SMAD6: variants seen among roughly 807,000 people sequenced by gnomAD.
SMAD6 encodes MAD homolog 6.
Under a neutral mutation model 39.4 loss-of-function variants are expected in SMAD6, and 103 were observed. The ratio of observed to expected loss-of-function variants is 2.62; its 90% CI spans 2.23 to 3.08. The LOEUF (loss-of-function observed/expected upper bound fraction) is 3.08, where lower values mean the gene tolerates loss of function less well. Ranked by LOEUF, SMAD6 falls within the 30% of genes most tolerant of loss-of-function variation. SMAD6 has a pLI of 0.00. For missense variants in SMAD6, 1,104 were observed against 742.9 expected (o/e 1.49, Z -5.65); for synonymous variants, 445 against 353.3 (o/e 1.26, Z -2.91).
intron 3 of SMAD6, among the ~76,000 whole-genome samples, chr15:66,732,134 G>A: frequency 6.6e-6 from 1 of 151,874 alleles, no homozygotes; most frequent in Non-Finnish European, 1.5e-5. Flanking sequence ...TTGTAGAGGT[G>A]GGGTTTTACC....
intron 1 of SMAD6, 95 bp downstream of exon 1, chr15:66,704,170 C>T (rs1350754619): frequency 3.9e-6 from 4 of 1,036,702 alleles, no homozygotes; most frequent in African/African-American, 3.4e-5. Flanking sequence ...GGCGCAGCTG[C>T]GGGTGCTCCC....
intron 3 of SMAD6, among the ~76,000 whole-genome samples, chr15:66,751,684 C>T (rs934264400): frequency 6.6e-6 from 1 of 152,210 alleles, no homozygotes; most frequent in Admixed American, 6.5e-5. Flanking sequence ...GCCCTCACCC[C>T]GTCTTCAGTG....
chr15:66,725,408 G>A (rs1215754663), intron 3 of SMAD6, among the ~76,000 whole-genome samples: 1 of 152,206 alleles, frequency 6.6e-6, no homozygotes, highest in Non-Finnish European at 1.5e-5. Flanking sequence ...TTTGGTAGCA[G>A]TTTCTAGATT....
chr15:66,713,890 G>A (rs745519597), intron 2 of SMAD6, among the ~76,000 whole-genome samples: 13 of 152,218 alleles, frequency 8.5e-5, no homozygotes, highest in Admixed American at 2.0e-4. Flanking sequence ...TGTGGTGGAA[G>A]CTTGTCACTT....
intron 3 of SMAD6, among the ~76,000 whole-genome samples, chr15:66,760,382 G>A (rs963581231): frequency 2.0e-5 from 3 of 152,208 alleles, no homozygotes; most frequent in Admixed American, 1.3e-4. Context: ...CTCCCTGCGT[G>A]CCAGAGCAGA....
intron 3 of SMAD6, among the ~76,000 whole-genome samples, chr15:66,764,993 G>A (rs969520621): frequency 5.3e-5 from 8 of 152,256 alleles, no homozygotes; most frequent in East Asian, 1.9e-4. Context: ...CTTGTTTCTC[G>A]GGGTGTTTGT....
intron 3 of SMAD6, among the ~76,000 whole-genome samples, chr15:66,753,152 T>C (rs916279967): frequency 2.6e-5 from 4 of 152,190 alleles, no homozygotes; most frequent in African/African-American, 9.6e-5. Context: ...TCCCTTGTCT[T>C]CCTTCCTCTT....
In SMAD6 at chr15:66,781,063, G is replaced by C. The variant is rs1894553582; in HGVS notation, c.1019G>C (p.Arg340Pro). The C allele has an allele frequency of 6.2e-7, 1 of 1,603,712 alleles. No homozygotes were observed. Among genetic ancestry groups the C allele is most frequent in the Non-Finnish European group, 8.5e-7 (1 of 1,178,444 alleles). ...HWCSVAYWEH[R>P]TRVGRLYAVY... is the part of the protein sequence containing the mutation. ...TGCAGCGTGGCGTACTGGGAGCACC[G>C]GACGCGCGTGGGCCGCCTCTATGCG... Residue 340 changes from arginine to proline, a missense_variant, in exon 4 of 4, where the codon CGG becomes CCG. By Grantham distance (103) the Arg-to-Pro change is moderately radical (BLOSUM62 -2). Coordinates refer to ENST00000288840, the MANE Select transcript of SMAD6 (RefSeq NM_005585.5).
intron 3 of SMAD6, among the ~76,000 whole-genome samples, chr15:66,750,924 C>T (rs1893993640): frequency 6.6e-6 from 1 of 152,234 alleles, no homozygotes; most frequent in African/African-American, 2.4e-5. Context: ...TTGGCATTTG[C>T]ATGGAATTGG....
In SMAD6 at chr15:66,781,628, C is replaced by T. The variant is rs1223874816; in HGVS notation, c.*93C>T. 5.0e-6 allele frequency: 4 copies of T among 798,124 alleles called. No homozygotes were observed. The Admixed American group carries it at 1.0e-4, about 21-fold the overall frequency. 49.4% of individuals were successfully genotyped at this position (798,124 alleles called of 1,614,324 possible). The stretch of plus-strand genomic sequence containing the variant: ...CCGATGCCCAGAGACACAGCCCCCA[C>T]GGACAAAACCCCCCAGATATCATCT... On this transcript the variant is annotated 3_prime_UTR_variant, in exon 4 of 4. Coordinates refer to ENST00000288840, the MANE Select transcript of SMAD6 (RefSeq NM_005585.5).
intron 3 of SMAD6, among the ~76,000 whole-genome samples, chr15:66,750,811 A>T (rs1893991598): frequency 6.6e-6 from 1 of 152,144 alleles, no homozygotes; most frequent in African/African-American, 2.4e-5. Context: ...GGGAGCTGGG[A>T]TATTAATCCC....
At chr15:66,734,491 T>C (rs553533357) in intron 3 of SMAD6, among the ~76,000 whole-genome samples, 1 of 152,318 alleles carries the variant, frequency 6.6e-6, no homozygotes, top group East Asian at 1.9e-4. Flanking sequence ...GGAGAGGCCC[T>C]AGCCTGGCAT....
At chr15:66,728,815 T>C (rs1175381807) in intron 3 of SMAD6, among the ~76,000 whole-genome samples, 16 of 152,234 alleles carry the variant, frequency 1.1e-4, no homozygotes. Flanking sequence ...CTATTACTGA[T>C]GGTTTCCAGT....
intron 3 of SMAD6, among the ~76,000 whole-genome samples, chr15:66,742,965 A>G (rs1893841684): frequency 6.6e-6 from 1 of 151,948 alleles, no homozygotes; most frequent in Non-Finnish European, 1.5e-5. Flanking sequence ...CTGCCCTTCC[A>G]CAGTTAGCAT....
rs116471040 is a variant in SMAD6 at position 66,713,695 on chromosome 15, G to A, written c.874+1971G>A. Among the ~76,000 whole-genome samples the A allele has an allele frequency of 5.5e-3, 844 of 152,318 alleles. 8 individuals carry two copies. The highest frequency in any genetic ancestry group is 0.019 in the African/African-American group (807 of 41,580). ...TCTTTCCAGACCCCTCTCCTGCTGT[G>A]AAGTCAGAAGTGCCCACCAGGTCCC... On this transcript the variant is annotated intron_variant, in intron 2 of 3. Transcript: ENST00000288840.
chr15:66,764,088 A>G (rs763027756), intron 3 of SMAD6, among the ~76,000 whole-genome samples: 7 of 152,244 alleles, frequency 4.6e-5, no homozygotes, highest in Non-Finnish European at 8.8e-5. Context: ...TGGAAAGGAT[A>G]CTGTCTAAGA....
At chr15:66,758,114 C>A (rs1894135360) in intron 3 of SMAD6, among the ~76,000 whole-genome samples, 1 of 152,208 alleles carries the variant, frequency 6.6e-6, no homozygotes, top group African/African-American at 2.4e-5. Context: ...GGAACTTTTG[C>A]TGACCTGAGA....
rs72756479 is a variant in SMAD6 at position 66,709,056 on chromosome 15, A to C, written c.818-2612A>C. On this transcript the variant is annotated intron_variant, in intron 1 of 3. Coordinates refer to ENST00000288840, the MANE Select transcript of SMAD6 (RefSeq NM_005585.5). The stretch of plus-strand genomic sequence containing the variant: ...CTTCAGCAAGTGGGACCTTAGTTTC[A>C]TATCAGTGAAAAGAAGGAATTGAGT... 8.3e-3 allele frequency among the ~76,000 whole-genome samples: 1,264 copies of C among 152,294 alleles called. 4 individuals carry two copies. Among genetic ancestry groups the C allele is most frequent in the Non-Finnish European group, 0.014 (937 of 68,012 alleles).
chr15:66,768,917 G>A (rs1256217128), intron 3 of SMAD6, among the ~76,000 whole-genome samples: 6 of 152,208 alleles, frequency 3.9e-5, no homozygotes, highest in Admixed American at 2.6e-4. Context: ...CCAGCCTGCT[G>A]GTGGATGAAT....
Sources: allele counts gnomAD v4.1 joint callset (sites outside exome capture counted in the v4.1 genomes callset), GRCh38; gene constraint gnomAD v4.1.1; transcripts MANE v1.5; gene names NCBI Gene and HGNC (gene_info 2026-07-23, HGNC 2026-07-21).